The following MBIP variants were observed in gnomAD, a reference collection of about 807,000 sequenced individuals.
MBIP encodes MAP3K12-binding inhibitory protein 1.
A neutral mutation model predicts 45.7 loss-of-function variants in MBIP; 32 were observed. The observed-to-expected ratio is 0.70, with a 90% CI of 0.53 to 0.94. MBIP has a LOEUF of 0.94. Ranked by LOEUF, MBIP falls within the 40% of genes least tolerant of loss-of-function variation. The probability of loss-of-function intolerance (pLI) is 0.00; values close to 1 mark genes in which losing one functional copy is unlikely to be tolerated. For synonymous variants in MBIP, 145 were observed against 141.0 expected (o/e 1.03, Z -0.20); for missense variants, 381 against 405.5 (o/e 0.94, Z 0.52).
At chr14:36,316,211 T>G (rs1371706561) in intron 2 of MBIP, among the ~76,000 whole-genome samples, 1 of 152,166 alleles carries the variant, frequency 6.6e-6, no homozygotes, top group Non-Finnish European at 1.5e-5. Context: ...AGATGAGACA[T>G]TAATGTCATA....
intron 7 of MBIP, 86 bp from the exon 8 acceptor site, chr14:36,300,909 G>T: frequency 2.5e-6 from 2 of 795,556 alleles, no homozygotes; most frequent in Non-Finnish European, 3.9e-6. Flanking sequence ...ATTATGTACA[G>T]CCTTGGGAAC....
At chr14:36,315,109 T>C (rs1880490105) in intron 2 of MBIP, among the ~76,000 whole-genome samples, 194 bp from the exon 3 acceptor site, 1 of 152,044 alleles carries the variant, frequency 6.6e-6, no homozygotes, top group African/African-American at 2.4e-5. Flanking sequence ...TTGTAACCAT[T>C]ATCATTTGCT....
chr14:36,314,297 T>G, intron 4 of MBIP: 1 of 456,514 alleles, frequency 2.2e-6, no homozygotes, highest in Non-Finnish European at 3.9e-6. Context: ...CTTTTTAATG[T>G]TAGCATTTAC....
chr14:36,301,497 GGATAC>G (rs1879546658), intron 7 of MBIP, among the ~76,000 whole-genome samples: 1 of 152,140 alleles, frequency 6.6e-6, no homozygotes, highest in Admixed American at 6.5e-5. Context: ...CAGTTCCTCA[GGATAC>G]TGCCGTATTG....
At chr14:36,320,381 C>G in intron 1 of MBIP, 79 bp downstream of exon 1, 2 of 1,595,528 alleles carry the variant, frequency 1.3e-6, no homozygotes. Context: ...TAGCTGCCCC[C>G]GGCCTCTGCT....
intron 8 of MBIP, 24 bp downstream of exon 8, chr14:36,300,761 C>A: frequency 6.6e-6 from 10 of 1,520,264 alleles, no homozygotes; most frequent in South Asian, 5.0e-5. Flanking sequence ...TTTCAGAAAC[C>A]AAAATGAAAA....
chr14:36,308,986 C>A (rs1566550824), intron 6 of MBIP, among the ~76,000 whole-genome samples: 1 of 152,206 alleles, frequency 6.6e-6, no homozygotes, highest in Non-Finnish European at 1.5e-5. Context: ...TCATTTCACT[C>A]AGATTAAATA....
chr14:36,320,377 C>G, intron 1 of MBIP, 83 bp downstream of exon 1: 1 of 1,580,844 alleles, frequency 6.3e-7, no homozygotes, highest in Non-Finnish European at 8.6e-7. Flanking sequence ...GGCCTAGCTG[C>G]CCCCGGCCTC....
In MBIP at chr14:36,311,762, A is replaced by G. The variant is rs369973788; in HGVS notation, c.638-37T>C. On this transcript the variant is annotated intron_variant, in intron 5 of 8. Coordinates refer to ENST00000416007, the MANE Select transcript of MBIP (RefSeq NM_016586.3). ...AACTTTTGAGCCTATATACATTTGT[A>G]TTTCAAAAATCAGAAATTCTTATTC... The G allele has an allele frequency of 2.4e-5, 37 of 1,525,224 alleles. No homozygotes were observed. The African/African-American group carries it at 5.0e-4, about 21-fold the overall frequency. The allele number at this position is 1,525,224 out of a possible 1,614,324, so 94.5% of individuals were successfully genotyped here. A position where few individuals can be genotyped will look rare whatever the true frequency, so the allele number is the denominator to read the frequency against.
At chr14:36,316,662 A>T (rs1880589457) in intron 2 of MBIP, 31 bp downstream of exon 2, 1 of 1,578,368 alleles carries the variant, frequency 6.3e-7, no homozygotes, top group South Asian at 1.2e-5. Flanking sequence ...TATTTTCAAT[A>T]TCGGGTTATC....
intron 6 of MBIP, among the ~76,000 whole-genome samples, chr14:36,308,532 T>C (rs958242567): frequency 6.6e-6 from 1 of 152,212 alleles, no homozygotes; most frequent in Non-Finnish European, 1.5e-5. Flanking sequence ...CAAAAATGCA[T>C]AGTGACAAAT....
At position 36,298,597 on chromosome 14, in the gene MBIP, C is replaced by CT. The variant is rs1879342782; in HGVS notation, c.*485dup. The CT allele has an allele frequency of 6.5e-6, 1 of 153,796 alleles. No homozygotes were observed. Among genetic ancestry groups the CT allele is most frequent in the African/African-American group, 2.4e-5 (1 of 41,438 alleles). The allele number at this position is 153,796 out of a possible 1,614,324, so 9.5% of individuals were successfully genotyped here. On this transcript the variant is annotated 3_prime_UTR_variant, in exon 9 of 9. Coordinates refer to ENST00000416007, the MANE Select transcript of MBIP (RefSeq NM_016586.3). ...GATCTATTGTTTATTTACATGAATA[C>CT]TGACATCTTAAAGATTAAGAAAAAC...
At chr14:36,301,062 T>C (rs1879518309) in intron 7 of MBIP, 1 of 294,652 alleles carries the variant, frequency 3.4e-6, no homozygotes, top group South Asian at 1.1e-4. Context: ...TGCTCATCCT[T>C]GGCAATACAT....
At chr14:36,314,639 A>C in intron 3 of MBIP, 31 bp from the exon 4 acceptor site, 1 of 1,606,516 alleles carries the variant, frequency 6.2e-7, no homozygotes, top group South Asian at 1.1e-5. Context: ...CAGTGTAAAC[A>C]TAAGATTTTT....
At chr14:36,309,839 C>A (rs1471740747) in intron 6 of MBIP, among the ~76,000 whole-genome samples, 1 of 152,178 alleles carries the variant, frequency 6.6e-6, no homozygotes, top group Non-Finnish European at 1.5e-5. Context: ...TCTCACTATA[C>A]TGTCCAGGCT....
chr14:36,311,912 A>C, intron 5 of MBIP, 47 bp downstream of exon 5: 1 of 1,404,702 alleles, frequency 7.1e-7, no homozygotes, highest in Non-Finnish European at 9.8e-7. Flanking sequence ...TTTGCTAATA[A>C]TCTAGACTTC....
In MBIP at chr14:36,320,498, A is replaced by G. The variant is rs1183282048; in HGVS notation, c.91T>C (p.Tyr31His). ...GTGTGTAGGGAGCGAAAGATTTCGT[A>G]GAGCACCTCTCGGGAGAGGTTGGGT... is the stretch of plus-strand genomic sequence containing the variant. Reference protein sequence around the residue: ...CRPNLSREVLYEIFRSLHTLV... With the variant: ...CRPNLSREVLHEIFRSLHTLV... Residue 31 changes from tyrosine to histidine, a missense_variant, in exon 1 of 9, where the codon TAC becomes CAC. Tyr to His is a moderately conservative substitution (Grantham distance 83, BLOSUM62 2). Transcript: ENST00000416007. The G allele has an allele frequency of 6.2e-7, 1 of 1,614,022 alleles. No homozygotes were observed. Among genetic ancestry groups the G allele is most frequent in the Admixed American group, 1.7e-5 (1 of 60,016 alleles).
chr14:36,303,463 A>G (rs1879691952), intron 7 of MBIP, among the ~76,000 whole-genome samples: 1 of 152,178 alleles, frequency 6.6e-6, no homozygotes, highest in African/African-American at 2.4e-5. Flanking sequence ...CCTAGGCTAT[A>G]TGGTATAGTC....
chr14:36,310,795 C>T (rs1468807083), intron 6 of MBIP, among the ~76,000 whole-genome samples: 3 of 152,130 alleles, frequency 2.0e-5, no homozygotes, highest in Non-Finnish European at 2.9e-5. Flanking sequence ...AGCAGCACAA[C>T]GAGTGGGAGA....
Sources: gnomAD v4.1 joint callset for allele counts (sites outside exome capture counted in the v4.1 genomes callset) on GRCh38, gnomAD v4.1.1 for gene constraint, MANE v1.5 for transcripts, NCBI Gene and HGNC (gene_info 2026-07-23, HGNC 2026-07-21) for gene names.